Variants in ASIC2 observed in about 807,000 individuals in gnomAD.
ASIC2 encodes the protein acid sensing ion channel subunit 2.
ASIC2 carries 25 observed loss-of-function variants against 57.3 expected under a neutral mutation model. The observed-to-expected ratio is 0.44, with a 90% CI of 0.32 to 0.61. The LOEUF (loss-of-function observed/expected upper bound fraction) is 0.61. Among genes scored for constraint, ASIC2 ranks in the 20% least tolerant of loss-of-function variants. The pLI, the probability that ASIC2 is intolerant of heterozygous loss-of-function variation, is 0.06. For missense variants in ASIC2, 641 were observed against 738.1 expected, an observed-to-expected ratio of 0.87 and a Z score of 1.52; for synonymous variants, 319 against 307.5, an observed-to-expected ratio of 1.04 and a Z score of -0.39.
chr17:33,846,503 T>G (rs1390913711), intron 1 of ASIC2, among the ~76,000 whole-genome samples: 1 of 152,148 alleles, frequency 6.6e-6, no homozygotes, highest in African/African-American at 2.4e-5. Flanking sequence ...TGGGGGAGGA[T>G]GCATGAGCTA....
chr17:33,368,003 C>G (rs368297428), intron 1 of ASIC2, among the ~76,000 whole-genome samples: 1 of 152,160 alleles, frequency 6.6e-6, no homozygotes, highest in Non-Finnish European at 1.5e-5. Flanking sequence ...AGAAGTTGGA[C>G]AAGATGGTAG....
intron 3 of ASIC2, among the ~76,000 whole-genome samples, chr17:33,050,992 G>C (rs149623596): frequency 3.3e-5 from 5 of 152,104 alleles, no homozygotes; most frequent in African/African-American, 1.2e-4. Context: ...GCTAGTCATG[G>C]AGTCAGAATT....
chr17:33,059,103 G>A (rs183261201), intron 3 of ASIC2, among the ~76,000 whole-genome samples: 17 of 152,024 alleles, frequency 1.1e-4, no homozygotes, highest in Admixed American at 8.5e-4. Flanking sequence ...AACTATATGC[G>A]GAAAAAGATA....
At chr17:33,904,516 T>G (rs1915306561) in intron 1 of ASIC2, among the ~76,000 whole-genome samples, 1 of 152,196 alleles carries the variant, frequency 6.6e-6, no homozygotes, top group Non-Finnish European at 1.5e-5. Context: ...ATAGAGTTTG[T>G]ACTTTTAAAA....
At chr17:33,993,908 C>T (rs1906075486) in intron 1 of ASIC2, among the ~76,000 whole-genome samples, 1 of 152,180 alleles carries the variant, frequency 6.6e-6, no homozygotes, top group South Asian at 2.1e-4. Context: ...TCTTGCTTGG[C>T]ATGTGTCTGC....
In ASIC2 at chr17:33,300,892, G is replaced by T. The variant is rs528901859; in HGVS notation, c.556-188825C>A. Among the ~76,000 whole-genome samples, 141 of 152,326 alleles carry T rather than the reference G, an allele frequency of 9.3e-4. 1 individual carries two copies. Among genetic ancestry groups the T allele is most frequent in the African/African-American group, 3.2e-3 (134 of 41,582 alleles). Reference sequence around the variant, plus strand: ...TTAGTGACTTGTCCCTGGTCACTGAGAAGTTGACATAATGAAGATGATGAG... The same window carrying T: ...TTAGTGACTTGTCCCTGGTCACTGATAAGTTGACATAATGAAGATGATGAG... On this transcript the variant is annotated intron_variant, in intron 1 of 9. Coordinates refer to the ASIC2 transcript ENST00000359872.
chr17:33,641,477 A>G (rs1906563205), intron 1 of ASIC2, among the ~76,000 whole-genome samples: 1 of 152,194 alleles, frequency 6.6e-6, no homozygotes, highest in African/African-American at 2.4e-5. Flanking sequence ...TTGACAGTTG[A>G]GGAAACTGAA....
At chr17:33,662,476 C>A (rs1022471897) in intron 1 of ASIC2, among the ~76,000 whole-genome samples, 4 of 127,134 alleles carry the variant, frequency 3.1e-5, no homozygotes, top group Non-Finnish European at 4.9e-5. Flanking sequence ...CAAAAATTAG[C>A]CAGGTGTGGT....
chr17:33,784,820 G>C (rs1911555375), intron 1 of ASIC2, among the ~76,000 whole-genome samples: 1 of 152,182 alleles, frequency 6.6e-6, no homozygotes, highest in African/African-American at 2.4e-5. Context: ...GAAAGCTGGG[G>C]TCAGACATGC....
chr17:33,180,988 C>G (rs1002573446), intron 1 of ASIC2, among the ~76,000 whole-genome samples: 1 of 152,140 alleles, frequency 6.6e-6, no homozygotes, highest in South Asian at 2.1e-4. Flanking sequence ...ATTCAGAGAA[C>G]CTTTGGGGAG....
chr17:33,253,766 T>C (rs1397002565), intron 1 of ASIC2, among the ~76,000 whole-genome samples: 1 of 152,170 alleles, frequency 6.6e-6, no homozygotes, highest in South Asian at 2.1e-4. Flanking sequence ...AAAGGCCATA[T>C]GCAAGGCTTT....
chr17:33,587,843 G>C (rs1904689852), intron 1 of ASIC2, among the ~76,000 whole-genome samples: 1 of 152,138 alleles, frequency 6.6e-6, no homozygotes, highest in Non-Finnish European at 1.5e-5. Context: ...CTTTCAGGGG[G>C]ATCTTCTATC....
At position 33,234,557 on chromosome 17, in the gene ASIC2, C is replaced by T. The variant is rs1201387395; in HGVS notation, c.708+56851G>A. 5.9e-5 allele frequency among the ~76,000 whole-genome samples: 9 copies of T among 152,268 alleles called. No individual in the cohort carries two copies. The East Asian group carries it at 7.7e-4, about 13-fold the overall frequency. ...CTTGGATGCTAATTGTCTTGCAGTT[C>T]GTTCAGGCTGCAATAACAAAAGCAC... is the stretch of plus-strand genomic sequence containing the variant. On this transcript the variant is annotated intron_variant, in intron 1 of 9. Transcript: ENST00000225823.
intron 1 of ASIC2, among the ~76,000 whole-genome samples, chr17:33,756,128 A>C (rs1277170696): frequency 1.3e-5 from 2 of 152,246 alleles, no homozygotes. Flanking sequence ...TGAACAAGAC[A>C]ACCTTCAAAT....
intron 1 of ASIC2, among the ~76,000 whole-genome samples, chr17:34,086,561 G>C (rs1396533304): frequency 1.3e-5 from 2 of 152,128 alleles, no homozygotes; most frequent in Non-Finnish European, 2.9e-5. Context: ...AGGTCCGCTT[G>C]GTGCAGAGCT....
chr17:33,579,232 G>T (rs554577903), intron 1 of ASIC2, among the ~76,000 whole-genome samples: 4 of 142,994 alleles, frequency 2.8e-5, no homozygotes, highest in African/African-American at 1.1e-4. Context: ...GTTGCAGTGA[G>T]CCAAAATCAC....
chr17:33,642,441 A>G (rs559557942), intron 1 of ASIC2, among the ~76,000 whole-genome samples: 3 of 152,222 alleles, frequency 2.0e-5, no homozygotes, highest in Non-Finnish European at 4.4e-5. Context: ...TCCAAAGTCA[A>G]TTCCACTCTG....
At chr17:33,431,778 T>C (rs149835641) in intron 1 of ASIC2, among the ~76,000 whole-genome samples, 6 of 152,286 alleles carry the variant, frequency 3.9e-5, no homozygotes, top group African/African-American at 1.4e-4. Context: ...CATAAAAATA[T>C]TGAGGGCAAA....
intron 1 of ASIC2, among the ~76,000 whole-genome samples, chr17:34,123,167 C>A (rs543929646): frequency 6.6e-6 from 1 of 152,122 alleles, no homozygotes; most frequent in Non-Finnish European, 1.5e-5. Flanking sequence ...AGGGTGATAA[C>A]AAGCTCTGGG....
Sources: gnomAD v4.1 joint callset for allele counts (sites outside exome capture counted in the v4.1 genomes callset) on GRCh38, gnomAD v4.1.1 for gene constraint, MANE v1.5 for transcripts, NCBI Gene and HGNC (gene_info 2026-07-23, HGNC 2026-07-21) for gene names.